RBM47: variants seen among roughly 807,000 people sequenced by gnomAD.
RBM47 encodes RNA-binding protein 47.
A neutral mutation model predicts 47.1 loss-of-function variants in RBM47; 21 were observed. The observed-to-expected ratio is 0.45, with a 90% CI of 0.32 to 0.64. The LOEUF (loss-of-function observed/expected upper bound fraction) is 0.64. Among genes scored for constraint, RBM47 ranks in the 30% least tolerant of loss-of-function variants. The probability of loss-of-function intolerance (pLI) is 0.05; values close to 1 mark genes in which losing one functional copy is unlikely to be tolerated. For missense variants in RBM47, 708 were observed against 870.9 expected (o/e 0.81, Z 2.35); for synonymous variants, 375 against 361.7 (o/e 1.04, Z -0.42).
At chr4:40,495,914 T>G (rs1722503703) in intron 2 of RBM47, among the ~76,000 whole-genome samples, 1 of 152,190 alleles carries the variant, frequency 6.6e-6, no homozygotes, top group Non-Finnish European at 1.5e-5. Context: ...TTTCACTGAT[T>G]ATAGCTGATT....
At chr4:40,436,828 T>G (rs947023931) in intron 4 of RBM47, 181 bp from the exon 5 acceptor site, 8 of 712,884 alleles carry the variant, frequency 1.1e-5, no homozygotes, top group Non-Finnish European at 2.0e-5. Context: ...ATTTGCATCC[T>G]AAGCATGTCT....
At chr4:40,629,145 T>C (rs981582645) in intron 1 of RBM47, among the ~76,000 whole-genome samples, 2 of 152,180 alleles carry the variant, frequency 1.3e-5, no homozygotes, top group African/African-American at 4.8e-5. Flanking sequence ...GGGAAAAGAT[T>C]CATCACTACA....
In RBM47 at chr4:40,621,039, T is replaced by G. The variant is rs1578085006; in HGVS notation, c.-240+8357A>C. On this transcript the variant is annotated intron_variant, in intron 1 of 6. Transcript: ENST00000295971. ...AAAAAACCCAAAATCCAAATAATTC[T>G]AAATCAGCCACAAACCATGACTGAC... is the stretch of plus-strand genomic sequence containing the variant. Among the ~76,000 whole-genome samples, 4 of 151,968 alleles carry G rather than the reference T, an allele frequency of 2.6e-5. No homozygotes were observed. In the South Asian group the frequency reaches 8.3e-4, roughly 31 times the overall value.
chr4:40,559,270 A>AT (rs1730387910), intron 1 of RBM47, among the ~76,000 whole-genome samples: 1 of 152,146 alleles, frequency 6.6e-6, no homozygotes, highest in African/African-American at 2.4e-5. Context: ...CCTAATAAAT[A>AT]TTTTTCAAGT....
At chr4:40,509,414 C>T (rs1262028971) in intron 2 of RBM47, among the ~76,000 whole-genome samples, 2 of 152,050 alleles carry the variant, frequency 1.3e-5, no homozygotes, top group African/African-American at 4.8e-5. Context: ...AAAGCACATT[C>T]TTCTTGGTGA....
At chr4:40,504,337 C>A (rs1477963472) in intron 2 of RBM47, among the ~76,000 whole-genome samples, 1 of 142,132 alleles carries the variant, frequency 7.0e-6, no homozygotes, top group Non-Finnish European at 1.5e-5. Flanking sequence ...GTCACCCAGT[C>A]TAGAGTGCAG....
intron 1 of RBM47, among the ~76,000 whole-genome samples, chr4:40,621,158 A>G (rs1737233691): frequency 6.6e-6 from 1 of 152,146 alleles, no homozygotes; most frequent in African/African-American, 2.4e-5. Flanking sequence ...ACCTTCCTGG[A>G]GTCTGTACTA....
At chr4:40,460,214 G>GTT (rs5857730) in intron 3 of RBM47, among the ~76,000 whole-genome samples, 2 of 143,198 alleles carry the variant, frequency 1.4e-5, no homozygotes, top group East Asian at 4.1e-4. Flanking sequence ...TTCCATCACT[G>GTT]TTTTTTTTTT....
At chr4:40,609,796 C>T (rs115251230) in intron 1 of RBM47, among the ~76,000 whole-genome samples, 177 of 152,050 alleles carry the variant, frequency 1.2e-3, no homozygotes, top group African/African-American at 3.9e-3. Context: ...CTCTGGATCT[C>T]ATTTAAGGCT....
chr4:40,492,382 G>T (rs1031868128), intron 2 of RBM47, among the ~76,000 whole-genome samples: 3 of 151,954 alleles, frequency 2.0e-5, no homozygotes, highest in African/African-American at 7.3e-5. Flanking sequence ...GTAAAGAAAA[G>T]AAAAAAATAA....
At chr4:40,481,474 A>G (rs1315995297) in intron 2 of RBM47, among the ~76,000 whole-genome samples, 1 of 126,888 alleles carries the variant, frequency 7.9e-6, no homozygotes, top group African/African-American at 2.8e-5. Context: ...TATTATTATT[A>G]TTATTATTAT....
At chr4:40,472,763 T>A (rs1365592822) in intron 2 of RBM47, among the ~76,000 whole-genome samples, 1 of 149,822 alleles carries the variant, frequency 6.7e-6, no homozygotes, top group African/African-American at 2.4e-5. Context: ...CATTTATGGA[T>A]TTTTTTTTTA....
chr4:40,542,309 C>T (rs1018883872), intron 2 of RBM47, among the ~76,000 whole-genome samples: 5 of 152,078 alleles, frequency 3.3e-5, no homozygotes, highest in Non-Finnish European at 2.9e-5. Flanking sequence ...CCTTTCCCCC[C>T]ATAGCTCATG....
intron 1 of RBM47, among the ~76,000 whole-genome samples, chr4:40,613,763 C>G (rs982022515): frequency 6.6e-6 from 1 of 151,314 alleles, no homozygotes; most frequent in Non-Finnish European, 1.5e-5. Context: ...CAAGACCAGC[C>G]TGGACAACAT....
At chr4:40,451,612 A>G (rs1715457024) in intron 3 of RBM47, among the ~76,000 whole-genome samples, 1 of 152,222 alleles carries the variant, frequency 6.6e-6, no homozygotes, top group Non-Finnish European at 1.5e-5. Context: ...AAGACATACT[A>G]TGAACAATCA....
chr4:40,549,422 G>T (rs1361239829), intron 1 of RBM47, among the ~76,000 whole-genome samples: 1 of 151,656 alleles, frequency 6.6e-6, no homozygotes, highest in Non-Finnish European at 1.5e-5. Context: ...ATTTTCCTCA[G>T]TCTGTAAGTA....
intron 5 of RBM47, among the ~76,000 whole-genome samples, chr4:40,433,162 C>T (rs1357765479): frequency 2.6e-5 from 4 of 151,918 alleles, no homozygotes; most frequent in African/African-American, 4.8e-5. Flanking sequence ...GGTTTCGCCA[C>T]GTTGCCCAGG....
chr4:40,603,195 A>G (rs1230092226), intron 1 of RBM47, among the ~76,000 whole-genome samples: 2 of 152,194 alleles, frequency 1.3e-5, no homozygotes, highest in Admixed American at 6.5e-5. Context: ...AACTTTATAT[A>G]AAAGAGATTT....
intron 2 of RBM47, among the ~76,000 whole-genome samples, chr4:40,516,264 T>TC (rs59974518): frequency 4.8e-5 from 7 of 146,384 alleles, no homozygotes; most frequent in East Asian, 2.0e-4. Flanking sequence ...TTTCTTTCTT[T>TC]TTTTTTTTTT....
Sources: gnomAD v4.1 joint callset for allele counts (sites outside exome capture counted in the v4.1 genomes callset) on GRCh38, gnomAD v4.1.1 for gene constraint, MANE v1.5 for transcripts, NCBI Gene and HGNC (gene_info 2026-07-23, HGNC 2026-07-21) for gene names.